FEM1B: variants seen among roughly 807,000 people sequenced by gnomAD.
FEM1B encodes fem-1 homolog B, also known as protein fem-1 homolog B.
Under a neutral mutation model 38.6 loss-of-function variants are expected in FEM1B, and 10 were observed. The ratio of observed to expected loss-of-function variants is 0.26; its 90% CI spans 0.16 to 0.44. FEM1B has a LOEUF of 0.44. Among genes scored for constraint, FEM1B ranks in the 20% least tolerant of loss-of-function variants. The pLI is 1.00. For synonymous variants in FEM1B, 288 were observed against 288.0 expected (o/e 1.00, Z 0.00); for missense variants, 471 against 786.7 (o/e 0.60, Z 4.80).
intron 1 of FEM1B, among the ~76,000 whole-genome samples, chr15:68,285,941 T>G (rs1892779732): frequency 6.6e-6 from 1 of 151,112 alleles, no homozygotes; most frequent in African/African-American, 2.4e-5. Flanking sequence ...TTTTTTTTTT[T>G]GGTATTCTGT....
chr15:68,278,664 G>C lies in FEM1B; in HGVS notation c.247G>C (p.Gly83Arg). ...TQQTGTVRFD[G>R]YVIDGATALW... is the part of the protein sequence containing the mutation. ...GCAGACTGGCACCGTCCGCTTCGAC[G>C]GGTAGGTACATCCCAAGCCAGCCTC... Residue 83 changes from glycine (G) to arginine (R), a missense_variant and splice_region_variant, in exon 1 of 2, where the codon GGG becomes CGG. By Grantham distance (125) the Gly-to-Arg change is moderately radical. Coordinates refer to ENST00000306917, the MANE Select transcript of FEM1B (RefSeq NM_015322.5). The surrounding 1 kb of genome is among the most constrained non-coding windows in gnomAD (Gnocchi z 5.7). 1 of 1,613,774 alleles carries C rather than the reference G, an allele frequency of 6.2e-7. No individual in the cohort carries two copies. The highest frequency in any genetic ancestry group is 8.5e-7 in the Non-Finnish European group (1 of 1,179,948).
rs1343529817 is a variant in FEM1B at position 68,294,788 on chromosome 15, TTC to T, written c.*3548_*3549del. ...AGATGTGTTGATGCACACATGACTATTCTGTTTTTCTCACTGACTATATAACA... is the reference window on the plus strand; with the variant it reads ...AGATGTGTTGATGCACACATGACTATTGTTTTTCTCACTGACTATATAACA... On this transcript the variant is annotated 3_prime_UTR_variant, in exon 2 of 2. Transcript: ENST00000306917. This position sits in a 1 kb window ranked among gnomAD's most constrained non-coding sequence, Gnocchi z 4.4. 1.3e-5 allele frequency: 2 copies of T among 152,034 alleles called. No individual in the cohort carries two copies. The highest frequency in any genetic ancestry group is 1.9e-4 in the East Asian group (1 of 5,202). 9.4% of individuals were successfully genotyped at this position (152,034 alleles called of 1,614,324 possible). A position where few individuals can be genotyped will look rare whatever the true frequency, so the allele number is the denominator to read the frequency against.
At position 68,293,452 on chromosome 15, in the gene FEM1B, A is replaced by T. The variant is rs1035234596; in HGVS notation, c.*2210A>T. On this transcript the variant is annotated 3_prime_UTR_variant, in exon 2 of 2. Coordinates refer to ENST00000306917, the MANE Select transcript of FEM1B (RefSeq NM_015322.5). This position sits in a 1 kb window ranked among gnomAD's most constrained non-coding sequence, Gnocchi z 5.8. ...ATGAGAATAATGATTATATGTACAT[A>T]TTCAGACATCAAAATTTAATGACAT... is the stretch of plus-strand genomic sequence containing the variant. 1.1e-4 allele frequency: 16 copies of T among 152,234 alleles called. No homozygotes were observed. The highest frequency in any genetic ancestry group is 1.2e-4 in the Non-Finnish European group (8 of 68,038). The allele number at this position is 152,234 out of a possible 1,614,324, so 9.4% of individuals were successfully genotyped here.
At position 68,280,626 on chromosome 15, in the gene FEM1B, CA is replaced by C. The variant is rs757124718; in HGVS notation, c.248+1962del. ...GAGGGGCAGCAGCTTGGTGCCCTTGCAGTGACTAGTGTTTCAGTGCTGTTGC... is the reference window on the plus strand; with the variant it reads ...GAGGGGCAGCAGCTTGGTGCCCTTGCGTGACTAGTGTTTCAGTGCTGTTGC... On this transcript the variant is annotated intron_variant, in intron 1 of 1. Coordinates refer to ENST00000306917, the MANE Select transcript of FEM1B (RefSeq NM_015322.5). The surrounding 1 kb of genome is among the most constrained non-coding windows in gnomAD (Gnocchi z 4.2). Among the ~76,000 whole-genome samples, 1 of 152,134 alleles carries C rather than the reference CA, an allele frequency of 6.6e-6. No individual in the cohort carries two copies. The highest frequency in any genetic ancestry group is 1.5e-5 in the Non-Finnish European group (1 of 68,018).
rs1892687588 is a variant in FEM1B, at chr15:68,278,448, G to A, written c.31G>A (p.Ala11Thr). 4 of 1,613,078 alleles carry A rather than the reference G, an allele frequency of 2.5e-6. No individual in the cohort carries two copies. Among genetic ancestry groups the A allele is most frequent in the Non-Finnish European group, 3.4e-6 (4 of 1,179,974 alleles). Residue 11 changes from alanine to threonine, a missense_variant, in exon 1 of 2, where the codon GCG (alanine) becomes ACG (threonine). Ala to Thr is a moderately conservative substitution (Grantham distance 58, BLOSUM62 0). Around this residue, in one of 3 missense-constraint regions of FEM1B, gnomAD observed 91 missense variants for 169.6 expected, o/e 0.54. Coordinates refer to ENST00000306917, the MANE Select transcript of FEM1B (RefSeq NM_015322.5). The surrounding 1 kb of genome is among the most constrained non-coding windows in gnomAD (Gnocchi z 5.7). ...GGGCCTGGCTGGCTATGTATACAAG[G>A]CGGCCAGCGAGGGCAAGGTGCTGAC... The part of the protein sequence containing the change: MEGLAGYVYK[A>T]ASEGKVLTLA...
chr15:68,278,378 A>G lies in FEM1B; in HGVS notation c.-40A>G. 6.3e-7 allele frequency: 1 copy of G among 1,588,602 alleles called. No individual in the cohort carries two copies. Among genetic ancestry groups the G allele is most frequent in the South Asian group, 1.1e-5 (1 of 88,748 alleles). ...GCCTCCGGGGGCGCACGGCAGCTGC[A>G]GCGGTGGCGACCAAACGGGTGTTGG... On this transcript the variant is annotated 5_prime_UTR_variant, in exon 1 of 2. Coordinates refer to ENST00000306917, the MANE Select transcript of FEM1B (RefSeq NM_015322.5). The surrounding 1 kb of genome is among the most constrained non-coding windows in gnomAD (Gnocchi z 5.7).
Position 68,278,170 on chromosome 15 carries a change from G to A in FEM1B, c.-248G>A, listed in dbSNP as rs2140240398. On this transcript the variant is annotated 5_prime_UTR_variant, in exon 1 of 2. Coordinates refer to ENST00000306917, the MANE Select transcript of FEM1B (RefSeq NM_015322.5). The surrounding 1 kb of genome is among the most constrained non-coding windows in gnomAD (Gnocchi z 5.7). ...GGTCCAGGGCCGGCGCCTGGGACCT[G>A]GCGGGCGGCCCTGACCGCCTTCCTC... 4 of 457,978 alleles carry A rather than the reference G, an allele frequency of 8.7e-6. No homozygotes were observed. In the South Asian group the frequency reaches 1.1e-4, roughly 12 times the overall value. 28.4% of individuals were successfully genotyped at this position (457,978 alleles called of 1,614,324 possible).
intron 1 of FEM1B, among the ~76,000 whole-genome samples, chr15:68,279,086 A>G (rs1172173873): frequency 6.6e-6 from 1 of 152,184 alleles, no homozygotes; most frequent in African/African-American, 2.4e-5. Flanking sequence ...TTGGGCATCC[A>G]TTTTTACTCC....
chr15:68,283,547 G>T (rs534474219), intron 1 of FEM1B, among the ~76,000 whole-genome samples: 1 of 149,158 alleles, frequency 6.7e-6, no homozygotes, highest in Admixed American at 6.7e-5. Flanking sequence ...GTATGCAGGA[G>T]GCTGAGGTGG....
At position 68,290,283 on chromosome 15, in the gene FEM1B, A is replaced by G. The variant is rs902214165; in HGVS notation, c.925A>G (p.Arg309Gly). 1.9e-6 allele frequency: 3 copies of G among 1,614,158 alleles called. No homozygotes were observed. Among genetic ancestry groups the G allele is most frequent in the Non-Finnish European group, 2.5e-6 (3 of 1,180,026 alleles). Reference sequence around the variant, plus strand: ...TGCTTATGGGAATAGAACTGAATGTAGAAATCCTCAGGAACTGGAGTCCAT... The same window carrying G: ...TGCTTATGGGAATAGAACTGAATGTGGAAATCCTCAGGAACTGGAGTCCAT... ...IHAYGNRTEC[R>G]NPQELESIRQ... The change falls in exon 2 of 2, where the codon AGA becomes GGA. Residue 309 changes from arginine (R) to glycine (G), a missense_variant. Around this residue, in one of 3 missense-constraint regions of FEM1B, gnomAD observed 380 missense variants for 599.6 expected, o/e 0.63. Coordinates refer to ENST00000306917, the MANE Select transcript of FEM1B (RefSeq NM_015322.5). The surrounding 1 kb of genome is among the most constrained non-coding windows in gnomAD (Gnocchi z 9.7).
Position 68,290,824 on chromosome 15 carries a change from A to T in FEM1B, c.1466A>T (p.His489Leu). 6.2e-7 allele frequency: 1 copy of T among 1,614,210 alleles called. No individual in the cohort carries two copies. Among genetic ancestry groups the T allele is most frequent in the African/African-American group, 1.3e-5 (1 of 75,056 alleles). ...ACTCGTGAAGGTTTCACCTTGCTGC[A>T]TCTGGCTGTCAATTCCAATACTCCA... ...PRTREGFTLL[H>L]LAVNSNTPVD... The change falls in exon 2 of 2, where the codon CAT (histidine) becomes CTT (leucine). Residue 489 changes from histidine to leucine, a missense_variant. Physicochemically the swap from His to Leu is moderately conservative, Grantham distance 99. Coordinates refer to ENST00000306917, the MANE Select transcript of FEM1B (RefSeq NM_015322.5). This position sits in a 1 kb window ranked among gnomAD's most constrained non-coding sequence, Gnocchi z 9.7.
rs185901540 is a variant in FEM1B, at chr15:68,284,981, A to C, written c.249-4626A>C. Among the ~76,000 whole-genome samples, 1 of 152,336 alleles carries C rather than the reference A, an allele frequency of 6.6e-6. No homozygotes were observed. The highest frequency in any genetic ancestry group is 1.5e-5 in the Non-Finnish European group (1 of 68,036). On this transcript the variant is annotated intron_variant, in intron 1 of 1. Transcript: ENST00000306917. The surrounding 1 kb of genome is among the most constrained non-coding windows in gnomAD (Gnocchi z 4.4). ...GCCTCCCCACCCATGTGGAACTGTA[A>C]GTCCAGTAAACCTCTTTCTTTTGTA...
chr15:68,293,938 T>G lies in FEM1B; in HGVS notation c.*2696T>G. ...ACTATTGGTATACTTATGCTTTGAA[T>G]TGTAAATCTTCATTGATGGTATTAC... On this transcript the variant is annotated 3_prime_UTR_variant, in exon 2 of 2. Coordinates refer to ENST00000306917, the MANE Select transcript of FEM1B (RefSeq NM_015322.5). The surrounding 1 kb of genome is among the most constrained non-coding windows in gnomAD (Gnocchi z 5.8). The G allele has an allele frequency of 6.6e-6, 1 of 152,216 alleles. No homozygotes were observed. The highest frequency in any genetic ancestry group is 1.5e-5 in the Non-Finnish European group (1 of 68,022). 9.4% of individuals were successfully genotyped at this position (152,216 alleles called of 1,614,324 possible).
Position 68,278,771 on chromosome 15 carries a change from C to A in FEM1B, c.248+106C>A. The A allele has an allele frequency of 1.5e-6, 2 of 1,313,254 alleles. No individual in the cohort carries two copies. Among genetic ancestry groups the A allele is most frequent in the Non-Finnish European group, 2.1e-6 (2 of 936,998 alleles). 81.4% of individuals were successfully genotyped at this position (1,313,254 alleles called of 1,614,324 possible). ...TACCCTCTCTTCATGTAGGTACTCA[C>A]TTCTCCCCTTTTTGTACCACCTCCT... On this transcript the variant is annotated intron_variant, in intron 1 of 1. Coordinates refer to ENST00000306917, the MANE Select transcript of FEM1B (RefSeq NM_015322.5). The surrounding 1 kb of genome is among the most constrained non-coding windows in gnomAD (Gnocchi z 5.7).
chr15:68,285,608 T>G (rs557891347), intron 1 of FEM1B, among the ~76,000 whole-genome samples: 2 of 152,342 alleles, frequency 1.3e-5, no homozygotes, highest in African/African-American at 4.8e-5. Flanking sequence ...AATTTGCATT[T>G]CCCTGTTAAC....
At chr15:68,282,830 TG>T (rs1278538394) in intron 1 of FEM1B, among the ~76,000 whole-genome samples, 1 of 152,206 alleles carries the variant, frequency 6.6e-6, no homozygotes, top group African/African-American at 2.4e-5. Context: ...ATTTTATAGA[TG>T]GAGGAATGTC....
At chr15:68,282,563 GAA>G (rs996362744) in intron 1 of FEM1B, among the ~76,000 whole-genome samples, 3 of 152,128 alleles carry the variant, frequency 2.0e-5, no homozygotes, top group Admixed American at 6.5e-5. Flanking sequence ...CTCTTATTGT[GAA>G]AAGTTTCCAT....
rs998571765 is a variant in FEM1B at position 68,278,312 on chromosome 15, A to G, written c.-106A>G. The G allele has an allele frequency of 7.0e-7, 1 of 1,425,328 alleles. No homozygotes were observed. The highest frequency in any genetic ancestry group is 9.3e-7 in the Non-Finnish European group (1 of 1,070,090). The allele number at this position is 1,425,328 out of a possible 1,614,324, so 88.3% of individuals were successfully genotyped here. ...GGCGGCGGCGACGGCGCCCTGTTGA[A>G]TGGGCTGTGAGGGCCCAGGTTTAAA... On this transcript the variant is annotated 5_prime_UTR_variant, in exon 1 of 2. An upstream start codon of the reference 5' UTR is lost. Transcript: ENST00000306917. The surrounding 1 kb of genome is among the most constrained non-coding windows in gnomAD (Gnocchi z 5.7).
At chr15:68,286,346 C>CT (rs1395853787) in intron 1 of FEM1B, among the ~76,000 whole-genome samples, 1 of 150,898 alleles carries the variant, frequency 6.6e-6, no homozygotes. Context: ...TTTCCATATT[C>CT]TTTTTTGAAT....
Sources: gnomAD v4.1 joint callset for allele counts (sites outside exome capture counted in the v4.1 genomes callset) on GRCh38, gnomAD v4.1.1 for gene constraint, gnomAD v4.1.1 regional missense constraint, Gnocchi (gnomAD v3.1) non-coding constraint, MANE v1.5 for transcripts, NCBI Gene and HGNC (gene_info 2026-07-23, HGNC 2026-07-21) for gene names.